CSTPP1: variants seen among roughly 807,000 people sequenced by gnomAD.
CSTPP1 encodes centriolar satellite-associated tubulin polyglutamylase complex regulator 1, also known as UPF0705 protein C11orf49.
chr11:47,009,137 G>A, the CSTPP1 span, among the ~76,000 whole-genome samples: 1 of 151,974 alleles, frequency 6.6e-6, no homozygotes, highest in African/African-American at 2.4e-5. Context: ...GGCACTAAAT[G>A]CTCAGCTCAC....
chr11:47,048,082 G>T, the CSTPP1 span, among the ~76,000 whole-genome samples: 2 of 152,172 alleles, frequency 1.3e-5, no homozygotes, highest in African/African-American at 4.8e-5. Context: ...AGCTGCTCTG[G>T]AAAACAGTTC....
chr11:47,091,144 C>A, the CSTPP1 span, among the ~76,000 whole-genome samples: 1 of 150,774 alleles, frequency 6.6e-6, no homozygotes, highest in Non-Finnish European at 1.5e-5. Context: ...GTAATCCCAG[C>A]ACTTTGGGAG....
chr11:47,094,079 G>A, the CSTPP1 span, among the ~76,000 whole-genome samples: 1 of 152,146 alleles, frequency 6.6e-6, no homozygotes, highest in Admixed American at 6.5e-5. Context: ...TTACCAGGAA[G>A]ACAATTTTCA....
the CSTPP1 span, among the ~76,000 whole-genome samples, chr11:46,988,126 G>C: frequency 1.7e-4 from 26 of 152,264 alleles, no homozygotes; most frequent in African/African-American, 6.3e-4. Flanking sequence ...ATGTAAATTA[G>C]TATAACCACT....
At chr11:46,955,171 C>T in the CSTPP1 span, among the ~76,000 whole-genome samples, 1 of 152,154 alleles carries the variant, frequency 6.6e-6, no homozygotes, top group East Asian at 1.9e-4. Context: ...GCCACTTTGA[C>T]ATAAGTTTCT....
chr11:47,097,619 CG>C, the CSTPP1 span, among the ~76,000 whole-genome samples: 1 of 73,030 alleles, frequency 1.4e-5, no homozygotes, highest in African/African-American at 5.1e-5. Flanking sequence ...CCGCCCCGTC[CG>C]GGAGGGAGGT....
chr11:47,016,276 T>C, the CSTPP1 span, among the ~76,000 whole-genome samples: 1 of 152,226 alleles, frequency 6.6e-6, no homozygotes, highest in South Asian at 2.1e-4. Flanking sequence ...TCACCATTTT[T>C]GTTCAACATT....
chr11:46,979,167 T>C, the CSTPP1 span, among the ~76,000 whole-genome samples: 2 of 152,198 alleles, frequency 1.3e-5, no homozygotes, highest in African/African-American at 4.8e-5. Context: ...ATGTTGGTCT[T>C]GAACTCCTGG....
the CSTPP1 span, among the ~76,000 whole-genome samples, chr11:46,981,797 G>C: frequency 6.6e-6 from 1 of 151,968 alleles, no homozygotes; most frequent in Non-Finnish European, 1.5e-5. Context: ...GGTTGTATAA[G>C]AATTACATGT....
chr11:47,042,990 A>G, the CSTPP1 span, among the ~76,000 whole-genome samples: 1 of 152,208 alleles, frequency 6.6e-6, no homozygotes, highest in South Asian at 2.1e-4. Flanking sequence ...TTAAGGACAT[A>G]GCCATGTATA....
the CSTPP1 span, chr11:47,041,459 G>T: frequency 3.4e-6 from 1 of 297,348 alleles, no homozygotes; most frequent in South Asian, 2.7e-5. Flanking sequence ...AACGTTGCAT[G>T]TCTGTAAGAT....
chr11:47,136,759 C>A, the CSTPP1 span, among the ~76,000 whole-genome samples: 1 of 152,210 alleles, frequency 6.6e-6, no homozygotes, highest in Non-Finnish European at 1.5e-5. Flanking sequence ...ATTGCTCTCA[C>A]TTTAGCATTA....
the CSTPP1 span, chr11:47,137,747 T>C: frequency 6.2e-7 from 1 of 1,611,388 alleles, no homozygotes; most frequent in Non-Finnish European, 8.5e-7. Context: ...TCCTGGACTC[T>C]TGAAACCAAC....
At chr11:47,127,442 T>A in the CSTPP1 span, among the ~76,000 whole-genome samples, 1 of 152,202 alleles carries the variant, frequency 6.6e-6, no homozygotes, top group Non-Finnish European at 1.5e-5. Context: ...ACTCTGTTAT[T>A]CATTCATCAA....
chr11:46,969,668 A>G, the CSTPP1 span, among the ~76,000 whole-genome samples: 1 of 152,252 alleles, frequency 6.6e-6, no homozygotes, highest in Admixed American at 6.5e-5. Context: ...ATATTCAACA[A>G]TGGACTGTTA....
the CSTPP1 span, among the ~76,000 whole-genome samples, chr11:46,961,695 A>G: frequency 6.6e-6 from 1 of 152,216 alleles, no homozygotes; most frequent in African/African-American, 2.4e-5. Flanking sequence ...TAAGAGTTTT[A>G]TAGTATTAGC....
chr11:47,126,850 T>C, the CSTPP1 span, among the ~76,000 whole-genome samples: 1 of 151,040 alleles, frequency 6.6e-6, no homozygotes, highest in Non-Finnish European at 1.5e-5. Context: ...GGGGGATTGC[T>C]TGAGCCCAGG....
At chr11:47,037,673 G>T in the CSTPP1 span, among the ~76,000 whole-genome samples, 2 of 122,996 alleles carry the variant, frequency 1.6e-5, no homozygotes, top group African/African-American at 5.0e-5. Flanking sequence ...AGTGGATACA[G>T]CACATGTTTC....
At chr11:47,009,293 T>C in the CSTPP1 span, among the ~76,000 whole-genome samples, 3 of 152,164 alleles carry the variant, frequency 2.0e-5, no homozygotes, top group African/African-American at 7.2e-5. Flanking sequence ...CTACTCTACT[T>C]TTATTGGAGG....
Sources: allele counts gnomAD v4.1 joint callset (sites outside exome capture counted in the v4.1 genomes callset), GRCh38; gene constraint gnomAD v4.1.1; transcripts MANE v1.5; gene names NCBI Gene and HGNC (gene_info 2026-07-23, HGNC 2026-07-21).